The following TMED10 variants were observed in gnomAD, a reference collection of about 807,000 sequenced individuals.
TMED10 encodes transmembrane emp24 domain-containing protein 10.
A neutral mutation model predicts 23.1 loss-of-function variants in TMED10; 7 were observed. The observed-to-expected ratio is 0.30, with a 90% CI of 0.17 to 0.57. TMED10 has a LOEUF of 0.57. TMED10 is among the 20% of genes least tolerant of loss of function. The probability of loss-of-function intolerance (pLI) is 0.91; values close to 1 mark genes in which losing one functional copy is unlikely to be tolerated. For missense variants in TMED10, 162 were observed against 274.8 expected, an observed-to-expected ratio of 0.59 and a Z score of 2.90; for synonymous variants, 113 against 106.9, an observed-to-expected ratio of 1.06 and a Z score of -0.35.
chr14:75,138,328 C>T (rs979589367), intron 3 of TMED10, among the ~76,000 whole-genome samples: 2 of 152,206 alleles, frequency 1.3e-5, no homozygotes, highest in Non-Finnish European at 2.9e-5. Context: ...ACAGTTTTCT[C>T]TCACCAGAAG....
At chr14:75,147,821 C>T in intron 2 of TMED10, 84 bp from the exon 3 acceptor site, 4 of 1,161,810 alleles carry the variant, frequency 3.4e-6, no homozygotes, top group Admixed American at 4.3e-5. Flanking sequence ...CCTCCCTCTA[C>T]AGAACCCCTA....
chr14:75,173,826 G>A (rs1261872929), intron 1 of TMED10, among the ~76,000 whole-genome samples: 5 of 152,212 alleles, frequency 3.3e-5, no homozygotes, highest in African/African-American at 1.2e-4. Flanking sequence ...TGCCTCCCAG[G>A]TTCTAGTGAT....
chr14:75,157,419 A>G (rs1473303741), intron 1 of TMED10, among the ~76,000 whole-genome samples: 1 of 152,054 alleles, frequency 6.6e-6, no homozygotes, highest in African/African-American at 2.4e-5. Flanking sequence ...TGGGAATTCA[A>G]GGTGGGAGGA....
intron 1 of TMED10, among the ~76,000 whole-genome samples, chr14:75,169,156 T>G (rs1009588004): frequency 3.9e-5 from 6 of 152,224 alleles, no homozygotes; most frequent in Admixed American, 6.5e-5. Context: ...TGCCAGGCCT[T>G]ATTTTAGACA....
intron 3 of TMED10, among the ~76,000 whole-genome samples, chr14:75,147,185 G>GTTTTTTTTTTGTTTTTTTT (rs1491353231): frequency 2.6e-5 from 3 of 116,614 alleles, no homozygotes; most frequent in African/African-American, 1.1e-4. Context: ...CTTCAAGGCT[G>GTTTTTTTTTTGTTTTTTTT]TTTTTTTTTT....
rs574809504 is a variant in TMED10, at chr14:75,141,516, T to C, written c.412-5630A>G. Among the ~76,000 whole-genome samples the C allele has an allele frequency of 2.2e-3, 333 of 152,306 alleles. 1 individual carries two copies. The highest frequency in any genetic ancestry group is 2.5e-3 in the Non-Finnish European group (168 of 68,026). On this transcript the variant is annotated intron_variant, in intron 3 of 4. Coordinates refer to ENST00000303575, the MANE Select transcript of TMED10 (RefSeq NM_006827.6). Reference sequence around the variant, plus strand: ...CAGAGCCATTCATATATGCTCACAATGTAGTATATTTTGTAATCTCATTTA... The same window carrying C: ...CAGAGCCATTCATATATGCTCACAACGTAGTATATTTTGTAATCTCATTTA...
intron 1 of TMED10, among the ~76,000 whole-genome samples, chr14:75,158,309 G>A (rs1426833499): frequency 6.6e-6 from 1 of 152,140 alleles, no homozygotes; most frequent in Non-Finnish European, 1.5e-5. Flanking sequence ...ACTGAAAGAA[G>A]CAGCATAAAA....
intron 1 of TMED10, 33 bp from the exon 2 acceptor site, chr14:75,152,176 A>G: frequency 6.4e-7 from 1 of 1,551,572 alleles, no homozygotes; most frequent in Non-Finnish European, 8.9e-7. Flanking sequence ...AATAGGCAGC[A>G]AATAACACTC....
At position 75,133,745 on chromosome 14, in the gene TMED10, C is replaced by T. The variant is rs1185853516; in HGVS notation, c.*1140G>A. ...TATTAGGGCAAAAAACTGAAAACAACTCTTATGTCCTTTAGTGGGTGAATG... is the reference window on the plus strand; with the variant it reads ...TATTAGGGCAAAAAACTGAAAACAATTCTTATGTCCTTTAGTGGGTGAATG... On this transcript the variant is annotated 3_prime_UTR_variant, in exon 5 of 5. Transcript: ENST00000303575. 2.8e-5 allele frequency: 5 copies of T among 176,876 alleles called. No individual in the cohort carries two copies. In the Admixed American group the frequency reaches 3.2e-4, roughly 11 times the overall value. 11.0% of individuals were successfully genotyped at this position (176,876 alleles called of 1,614,324 possible).
intron 1 of TMED10, among the ~76,000 whole-genome samples, chr14:75,166,911 C>T (rs1386119128): frequency 2.0e-5 from 3 of 148,584 alleles, no homozygotes; most frequent in East Asian, 2.0e-4. Flanking sequence ...TGGTTCATTT[C>T]GATGACTGAG....
chr14:75,150,304 G>A (rs1895940264), intron 2 of TMED10, among the ~76,000 whole-genome samples: 1 of 152,122 alleles, frequency 6.6e-6, no homozygotes, highest in African/African-American at 2.4e-5. Context: ...CAAATCCAAT[G>A]TGTAATCCTG....
At chr14:75,161,782 C>G (rs892722418) in intron 1 of TMED10, among the ~76,000 whole-genome samples, 1 of 148,314 alleles carries the variant, frequency 6.7e-6, no homozygotes, top group African/African-American at 2.5e-5. Context: ...GCAGGAAGGA[C>G]GGGACTACTT....
intron 3 of TMED10, among the ~76,000 whole-genome samples, chr14:75,142,050 G>A (rs1895829245): frequency 6.6e-6 from 1 of 152,144 alleles, no homozygotes; most frequent in African/African-American, 2.4e-5. Context: ...GCAGTTGATT[G>A]AACTGTTCAG....
At chr14:75,138,499 A>C (rs996114819) in intron 3 of TMED10, among the ~76,000 whole-genome samples, 1 of 152,210 alleles carries the variant, frequency 6.6e-6, no homozygotes, top group Non-Finnish European at 1.5e-5. Flanking sequence ...CCCAGAATAT[A>C]TATCTGTTCA....
Position 75,146,926 on chromosome 14 carries a change from G to GATAC in TMED10, c.411+737_411+738insGTAT, listed in dbSNP as rs1490629102. Among the ~76,000 whole-genome samples the GATAC allele has an allele frequency of 1.7e-4, 26 of 152,172 alleles. No homozygotes were observed. In the East Asian group the frequency reaches 5.0e-3, roughly 29 times the overall value. On this transcript the variant is annotated intron_variant, in intron 3 of 4. Coordinates refer to ENST00000303575, the MANE Select transcript of TMED10 (RefSeq NM_006827.6). ...CATGCCCCAGATAGATAGATAGATAGATAGATAGATAGATAGATATACAAC... is the reference window on the plus strand; with the variant it reads ...CATGCCCCAGATAGATAGATAGATAGATACATAGATAGATAGATAGATATACAAC...
At chr14:75,136,123 C>T (rs997194624) in intron 3 of TMED10, among the ~76,000 whole-genome samples, 3 of 152,070 alleles carry the variant, frequency 2.0e-5, no homozygotes, top group East Asian at 1.9e-4. Context: ...ATATAATAAC[C>T]GTAGGCTATA....
chr14:75,147,529 C>A, intron 3 of TMED10, 135 bp downstream of exon 3: 1 of 938,210 alleles, frequency 1.1e-6, no homozygotes, highest in South Asian at 1.4e-5. Context: ...TCAGTAAGAT[C>A]ATGGCTGGCT....
chr14:75,169,745 C>T (rs1896208324), intron 1 of TMED10, among the ~76,000 whole-genome samples: 1 of 152,206 alleles, frequency 6.6e-6, no homozygotes, highest in African/African-American at 2.4e-5. Context: ...TCTCCTCCTA[C>T]CTCAAATCAA....
intron 3 of TMED10, among the ~76,000 whole-genome samples, chr14:75,141,014 G>GT (rs1481021100): frequency 6.6e-6 from 1 of 151,926 alleles, no homozygotes; most frequent in African/African-American, 2.4e-5. Flanking sequence ...AGGCCTTAAC[G>GT]TTTTTTTCTG....
Sources: allele counts gnomAD v4.1 joint callset (sites outside exome capture counted in the v4.1 genomes callset), GRCh38; gene constraint gnomAD v4.1.1; transcripts MANE v1.5; gene names NCBI Gene and HGNC (gene_info 2026-07-23, HGNC 2026-07-21).